The following CWF19L2 variants were observed in gnomAD, a reference collection of about 807,000 sequenced individuals.
CWF19L2 encodes the protein CWF19-like protein 2.
A neutral mutation model predicts 111.7 loss-of-function variants in CWF19L2; 98 were observed. The observed-to-expected ratio is 0.88, with a 90% confidence interval of 0.75 to 1.04. CWF19L2 has a LOEUF of 1.04. Among genes scored for constraint, CWF19L2 ranks in the 50% least tolerant of loss-of-function variants. The pLI is 0.00. For synonymous variants in CWF19L2, 351 were observed against 342.9 expected, an observed-to-expected ratio of 1.02 and a Z score of -0.26; for missense variants, 1,101 against 1,051.4, an observed-to-expected ratio of 1.05 and a Z score of -0.65.
chr11:107,396,925 G>A (rs147636061), intron 10 of CWF19L2, among the ~76,000 whole-genome samples: 412 of 152,268 alleles, frequency 2.7e-3, no homozygotes, highest in African/African-American at 9.1e-3. Context: ...TCTGTTTGCA[G>A]GAGAAGTTTT....
intron 16 of CWF19L2, among the ~76,000 whole-genome samples, chr11:107,333,089 A>AC (rs781552556): frequency 1.4e-4 from 1 of 7,094 alleles, no homozygotes; most frequent in African/African-American, 1.7e-3. Flanking sequence ...GACTCTGTCT[A>AC]AAAAAAAAAA....
At position 107,360,633 on chromosome 11, in the gene CWF19L2, C is replaced by A. The variant is rs573178429; in HGVS notation, c.1873-6897G>T. On this transcript the variant is annotated intron_variant, in intron 12 of 17. Coordinates refer to ENST00000282251, the MANE Select transcript of CWF19L2 (RefSeq NM_152434.3). ...CATAAGAGCTCCCTTATCTCCACATCCTCACAAGCATCTGTTAGTTTTTTA... is the reference window on the plus strand; with the variant it reads ...CATAAGAGCTCCCTTATCTCCACATACTCACAAGCATCTGTTAGTTTTTTA... Among the ~76,000 whole-genome samples, 11 of 152,338 alleles carry A rather than the reference C, an allele frequency of 7.2e-5. 1 individual carries two copies. In the South Asian group the frequency reaches 2.3e-3, roughly 32 times the overall value.
chr11:107,439,160 C>G lies in CWF19L2; in HGVS notation c.594G>C (p.Leu198Phe). Reference protein sequence around the residue: ...LEQSKLMERELNPYWKDGGTG... With the variant: ...LEQSKLMEREFNPYWKDGGTG... ...TCCCACCATCCTTCCAGTACGGATT[C>G]AATTCTCTTTCCATCAGTTTGGACT... is the stretch of plus-strand genomic sequence containing the variant. Residue 198 changes from leucine to phenylalanine, a missense_variant, in exon 6 of 18, where the codon TTG becomes TTC. Leu to Phe is a conservative substitution (Grantham distance 22). Coordinates refer to ENST00000282251, the MANE Select transcript of CWF19L2 (RefSeq NM_152434.3). The G allele has an allele frequency of 6.2e-7, 1 of 1,604,614 alleles. No homozygotes were observed. Among genetic ancestry groups the G allele is most frequent in the Non-Finnish European group, 8.5e-7 (1 of 1,174,124 alleles).
intron 6 of CWF19L2, among the ~76,000 whole-genome samples, chr11:107,434,239 C>T (rs1591202694): frequency 6.6e-6 from 1 of 151,924 alleles, no homozygotes; most frequent in African/African-American, 2.4e-5. Context: ...GCTACCTCAG[C>T]TGCAGAACAA....
At position 107,369,501 on chromosome 11, in the gene CWF19L2, A is replaced by T. The variant is rs1860478936; in HGVS notation, c.1873-15765T>A. Among the ~76,000 whole-genome samples, 3 of 137,718 alleles carry T rather than the reference A, an allele frequency of 2.2e-5. 1 individual carries two copies. Among genetic ancestry groups the T allele is most frequent in the Non-Finnish European group, 4.7e-5 (3 of 64,202 alleles). The allele number at this position is 137,718 out of a possible 152,430, so 90.3% of individuals were successfully genotyped here. On this transcript the variant is annotated intron_variant, in intron 12 of 17. Coordinates refer to ENST00000282251, the MANE Select transcript of CWF19L2 (RefSeq NM_152434.3). The stretch of plus-strand genomic sequence containing the variant: ...CATAATGACAAACCACGAAAAAAAG[A>T]CACATAGGCTTGACTTATTCCCTGG...
rs995364328 is a variant in CWF19L2 at position 107,326,398 on chromosome 11, T to C, written c.*512A>G. 5 of 152,252 alleles carry C rather than the reference T, an allele frequency of 3.3e-5. No individual in the cohort carries two copies. The highest frequency in any genetic ancestry group is 5.9e-5 in the Non-Finnish European group (4 of 68,044). The allele number at this position is 152,252 out of a possible 1,614,324, so 9.4% of individuals were successfully genotyped here. On this transcript the variant is annotated 3_prime_UTR_variant, in exon 18 of 18. Transcript: ENST00000282251. ...TTAATTCTTTAATACTTTGGGGACA[T>C]TTCCTTTTCCTTTAACAAAAAGAAT... is the stretch of plus-strand genomic sequence containing the variant.
Position 107,455,789 on chromosome 11 carries a change from A to T in CWF19L2, c.106-13T>A. On this transcript the variant is annotated splice_polypyrimidine_tract_variant and intron_variant, in intron 1 of 17. Transcript: ENST00000282251. Reference sequence around the variant, plus strand: ...AATTGGCTTTAGCCTACAACCAAAGAAAAAAAAAAGACAAACTGGCAATTG... The same window carrying T: ...AATTGGCTTTAGCCTACAACCAAAGTAAAAAAAAAGACAAACTGGCAATTG... The T allele has an allele frequency of 7.4e-7, 1 of 1,345,618 alleles. No homozygotes were observed. Among genetic ancestry groups the T allele is most frequent in the Non-Finnish European group, 1.0e-6 (1 of 992,458 alleles). The allele number at this position is 1,345,618 out of a possible 1,614,324, so 83.4% of individuals were successfully genotyped here. A position where few individuals can be genotyped will look rare whatever the true frequency, so the allele number is the denominator to read the frequency against.
chr11:107,447,553 A>G (rs590699), intron 3 of CWF19L2, among the ~76,000 whole-genome samples: 112,672 of 152,124 alleles, frequency 0.74, 42,155 homozygotes, highest in African/African-American at 0.84. Context: ...GAACCCACAA[A>G]GGTCATGCCT....
At chr11:107,411,561 G>T (rs1299695842) in intron 10 of CWF19L2, among the ~76,000 whole-genome samples, 1 of 152,030 alleles carries the variant, frequency 6.6e-6, no homozygotes, top group Non-Finnish European at 1.5e-5. Flanking sequence ...AGCTAACCAT[G>T]AAAATGGTAA....
chr11:107,332,512 C>A (rs1367322592), intron 16 of CWF19L2, among the ~76,000 whole-genome samples: 1 of 151,002 alleles, frequency 6.6e-6, no homozygotes, highest in Non-Finnish European at 1.5e-5. Flanking sequence ...ATTACATATA[C>A]GTGAATCTCT....
intron 10 of CWF19L2, among the ~76,000 whole-genome samples, chr11:107,401,588 C>G (rs1334790247): frequency 6.6e-6 from 1 of 152,096 alleles, no homozygotes; most frequent in Non-Finnish European, 1.5e-5. Flanking sequence ...ACAGACGACA[C>G]AAACAAATAG....
chr11:107,353,337 G>C (rs374814506), intron 13 of CWF19L2, among the ~76,000 whole-genome samples, 187 bp downstream of exon 13: 5 of 151,962 alleles, frequency 3.3e-5, no homozygotes, highest in Admixed American at 2.0e-4. Context: ...CTACAACCAG[G>C]GCTAGATGCT....
Position 107,360,844 on chromosome 11 carries a change from T to C in CWF19L2, c.1873-7108A>G, listed in dbSNP as rs569134685. 3.9e-5 allele frequency among the ~76,000 whole-genome samples: 6 copies of C among 152,366 alleles called. No individual in the cohort carries two copies. The South Asian group carries it at 1.2e-3, about 32-fold the overall frequency. The stretch of plus-strand genomic sequence containing the variant: ...TTTTTAGTGGGACTATTTGTTGTTG[T>C]TGCTGAATTGAGTTCCTTGTATATT... On this transcript the variant is annotated intron_variant, in intron 12 of 17. Coordinates refer to ENST00000282251, the MANE Select transcript of CWF19L2 (RefSeq NM_152434.3).
At chr11:107,416,767 G>T (rs769624666) in intron 9 of CWF19L2, among the ~76,000 whole-genome samples, 2 of 152,100 alleles carry the variant, frequency 1.3e-5, no homozygotes, top group African/African-American at 2.4e-5. Context: ...GCCATATAAA[G>T]CAATAAACCA....
intron 12 of CWF19L2, among the ~76,000 whole-genome samples, chr11:107,367,204 T>C (rs1479092333): frequency 7.8e-6 from 1 of 128,606 alleles, no homozygotes; most frequent in Non-Finnish European, 1.7e-5. Context: ...TGTGGAGAAA[T>C]AGGAACACTT....
chr11:107,359,217 T>C (rs1254811058), intron 12 of CWF19L2, among the ~76,000 whole-genome samples: 5 of 152,156 alleles, frequency 3.3e-5, no homozygotes, highest in African/African-American at 2.4e-5. Flanking sequence ...GCAAGGTGAA[T>C]ACAACAGGCC....
At chr11:107,443,186 T>C (rs1861656033) in intron 3 of CWF19L2, 137 bp from the exon 4 acceptor site, 1 of 651,782 alleles carries the variant, frequency 1.5e-6, no homozygotes, top group Non-Finnish European at 2.7e-6. Flanking sequence ...AAAATGGCAA[T>C]GAAATTTTAA....
chr11:107,361,825 G>C (rs566678007), intron 12 of CWF19L2, among the ~76,000 whole-genome samples: 1 of 152,340 alleles, frequency 6.6e-6, no homozygotes, highest in Non-Finnish European at 1.5e-5. Context: ...GAGGAGCCAA[G>C]ATGGCCGAAC....
intron 10 of CWF19L2, among the ~76,000 whole-genome samples, chr11:107,411,502 A>T (rs1461029017): frequency 6.6e-6 from 1 of 152,112 alleles, no homozygotes; most frequent in Non-Finnish European, 1.5e-5. Flanking sequence ...CCCTTAAGTG[A>T]ATAAGCTATA....
Sources: allele counts gnomAD v4.1 joint callset (sites outside exome capture counted in the v4.1 genomes callset), GRCh38; gene constraint gnomAD v4.1.1; transcripts MANE v1.5; gene names NCBI Gene and HGNC (gene_info 2026-07-23, HGNC 2026-07-21).